The following TAFA3 variants were observed in gnomAD, a reference collection of about 807,000 sequenced individuals.
The protein encoded by TAFA3 is chemokine-like protein TAFA-3.
A neutral mutation model predicts 20.7 loss-of-function variants in TAFA3; 17 were observed. The ratio of observed to expected loss-of-function variants is 0.82; its 90% CI spans 0.56 to 1.23. TAFA3 has a LOEUF of 1.23. Among genes scored for constraint, TAFA3 ranks in the 50% most tolerant of loss-of-function variants. The pLI is 0.00. For missense variants in TAFA3, 174 were observed against 172.8 expected, an observed-to-expected ratio of 1.01 and a Z score of -0.04; for synonymous variants, 74 against 71.8, an observed-to-expected ratio of 1.03 and a Z score of -0.16.
intron 2 of TAFA3, among the ~76,000 whole-genome samples, chr1:112,721,737 C>T (rs1057369723): frequency 6.6e-6 from 1 of 152,212 alleles, no homozygotes; most frequent in African/African-American, 2.4e-5. Flanking sequence ...GGTTTTTTTA[C>T]AGCTATCTGG....
rs1675263345 is a variant in TAFA3, at chr1:112,718,907, T to G, written c.-452T>G. Among the ~76,000 whole-genome samples, 1 of 152,216 alleles carries G rather than the reference T, an allele frequency of 6.6e-6. No individual in the cohort carries two copies. ...ATCCGTTCAGCCGAGCGCCTGGCAC[T>G]GTCCCGAAGGAGGCGGCGGCGCCCA... is the stretch of plus-strand genomic sequence containing the variant. On this transcript the variant is annotated 5_prime_UTR_variant, in exon 1 of 6. Coordinates refer to ENST00000361886, the MANE Select transcript of TAFA3 (RefSeq NM_182759.3).
At chr1:112,724,170 C>T in intron 5 of TAFA3, 33 bp downstream of exon 5, 6 of 1,531,868 alleles carry the variant, frequency 3.9e-6, no homozygotes, top group Non-Finnish European at 5.3e-6. Context: ...CCCACCCTCC[C>T]CTTCCCTCTC....
chr1:112,726,991 TG>T lies in TAFA3; in HGVS notation c.*356del. ...TTCTGGGCCACATGCTATGGCATGA[TG>T]GGGGTTTGGGAATGAGATTCCCACA... On this transcript the variant is annotated 3_prime_UTR_variant, in exon 6 of 6. Coordinates refer to ENST00000361886, the MANE Select transcript of TAFA3 (RefSeq NM_182759.3). The T allele has an allele frequency of 3.5e-6, 1 of 288,348 alleles. No homozygotes were observed. Among genetic ancestry groups the T allele is most frequent in the Non-Finnish European group, 6.6e-6 (1 of 151,728 alleles). 17.9% of individuals were successfully genotyped at this position (288,348 alleles called of 1,614,324 possible). A position where few individuals can be genotyped will look rare whatever the true frequency, so the allele number is the denominator to read the frequency against.
chr1:112,719,443 C>A (rs114893457), intron 1 of TAFA3, among the ~76,000 whole-genome samples, 144 bp downstream of exon 1: 3,078 of 152,250 alleles, frequency 0.02, 102 homozygotes, highest in African/African-American at 0.07. Context: ...AACTCAGCCT[C>A]ACTAAACCCC....
At position 112,719,162 on chromosome 1, in the gene TAFA3, G is replaced by A. The variant is rs1675271649; in HGVS notation, c.-197G>A. ...GGGGGCGCAGCAACTTGGTGAAGGG[G>A]ACAGGGCTCCGGACTAGACAGCACC... On this transcript the variant is annotated 5_prime_UTR_variant, in exon 1 of 6. Coordinates refer to ENST00000361886, the MANE Select transcript of TAFA3 (RefSeq NM_182759.3). Among the ~76,000 whole-genome samples, 1 of 152,258 alleles carries A rather than the reference G, an allele frequency of 6.6e-6. No individual in the cohort carries two copies. Among genetic ancestry groups the A allele is most frequent in the Admixed American group, 6.5e-5 (1 of 15,292 alleles).
Position 112,726,748 on chromosome 1 carries a change from G to A in TAFA3, c.*108G>A, listed in dbSNP as rs915821956. On this transcript the variant is annotated 3_prime_UTR_variant, in exon 6 of 6. Coordinates refer to ENST00000361886, the MANE Select transcript of TAFA3 (RefSeq NM_182759.3). ...ATGGGGATTCACTTACATGCCTCAT[G>A]TCAAATGCAGCATCAGTCTTTCCGG... 2.6e-6 allele frequency: 4 copies of A among 1,541,762 alleles called. No individual in the cohort carries two copies. Among genetic ancestry groups the A allele is most frequent in the East Asian group, 2.3e-5 (1 of 44,288 alleles).
chr1:112,724,648 G>T (rs1675416831), intron 5 of TAFA3, among the ~76,000 whole-genome samples: 1 of 107,684 alleles, frequency 9.3e-6, no homozygotes, highest in Non-Finnish European at 1.9e-5. Flanking sequence ...GTGGGGGGAG[G>T]GGGGAGGGGT....
chr1:112,720,384 A>T (rs769878269), intron 1 of TAFA3, 193 bp from the exon 2 acceptor site: 1 of 152,210 alleles, frequency 6.6e-6, no homozygotes, highest in Non-Finnish European at 1.5e-5. Context: ...CAGAGTCTGC[A>T]AGAGCCCCTC....
At chr1:112,723,625 C>G (rs1159557533) in intron 4 of TAFA3, among the ~76,000 whole-genome samples, 1 of 152,078 alleles carries the variant, frequency 6.6e-6, no homozygotes, top group Admixed American at 6.5e-5. Context: ...CTGTGTCACG[C>G]GCATACCAGC....
intron 3 of TAFA3, 108 bp from the exon 4 acceptor site, chr1:112,722,908 C>T (rs1211853385): frequency 1.4e-6 from 2 of 1,391,756 alleles, no homozygotes; most frequent in Non-Finnish European, 1.9e-6. Context: ...GCAGTCTCTT[C>T]CATAGCCCTC....
chr1:112,722,308 C>G lies in TAFA3; in HGVS notation c.75C>G (p.Thr25=), dbSNP rs35995150. ...LLALCLAWLW[T]HLTLAALQPP... is the part of the protein sequence containing the mutation. ...CACTGTGCCTGGCCTGGCTGTGGAC[C>G]CACCTGACCTTGGCTGCCTTGCAGC... Residue 25 remains threonine (T), a synonymous_variant, in exon 3 of 6, where the codon ACC becomes ACG. Transcript: ENST00000361886. The G allele has an allele frequency of 0.12, 196,864 of 1,613,766 alleles. 13,373 individuals carry two copies. The highest frequency in any genetic ancestry group is 0.13 in the Non-Finnish European group (158,479 of 1,179,914).
At position 112,719,195 on chromosome 1, in the gene TAFA3, G is replaced by C. The variant is rs572029378; in HGVS notation, c.-164G>C. Among the ~76,000 whole-genome samples, 6 of 152,362 alleles carry C rather than the reference G, an allele frequency of 3.9e-5. No homozygotes were observed. The highest frequency in any genetic ancestry group is 3.3e-4 in the Admixed American group (5 of 15,312). ...TCCGGACTAGACAGCACCCAAGCTG[G>C]CCGCTCCCTCCCAAAGTCTGTCTTT... On this transcript the variant is annotated 5_prime_UTR_variant, in exon 1 of 6. Coordinates refer to ENST00000361886, the MANE Select transcript of TAFA3 (RefSeq NM_182759.3).
intron 3 of TAFA3, among the ~76,000 whole-genome samples, chr1:112,722,804 G>A (rs1046190376): frequency 2.6e-5 from 4 of 152,186 alleles, no homozygotes; most frequent in African/African-American, 9.6e-5. Flanking sequence ...CTGCCAAAGG[G>A]TGAAGAGCAC....
At chr1:112,721,803 TG>T (rs1350844855) in intron 2 of TAFA3, among the ~76,000 whole-genome samples, 1 of 152,222 alleles carries the variant, frequency 6.6e-6, no homozygotes, top group South Asian at 2.1e-4. Flanking sequence ...CTTTTACTGA[TG>T]GTTGTTTAGG....
In TAFA3 at chr1:112,726,863, C is replaced by T; in HGVS notation, c.*223C>T. On this transcript the variant is annotated 3_prime_UTR_variant, in exon 6 of 6. Coordinates refer to ENST00000361886, the MANE Select transcript of TAFA3 (RefSeq NM_182759.3). ...TGGGCTTTTCTGGAGACACGAAGGT[C>T]AACACACAATTCCTGCCCTTAAGGA... 1 of 600,852 alleles carries T rather than the reference C, an allele frequency of 1.7e-6. No homozygotes were observed. The highest frequency in any genetic ancestry group is 2.9e-6 in the Non-Finnish European group (1 of 342,666). The allele number at this position is 600,852 out of a possible 1,614,324, so 37.2% of individuals were successfully genotyped here.
intron 3 of TAFA3, 51 bp from the exon 4 acceptor site, chr1:112,722,965 G>T: frequency 6.4e-7 from 1 of 1,557,082 alleles, no homozygotes; most frequent in Admixed American, 1.8e-5. Flanking sequence ...GTGGGCGGGA[G>T]GGAGCGGGGT....
intron 3 of TAFA3, among the ~76,000 whole-genome samples, chr1:112,722,789 G>A (rs1487712443): frequency 6.6e-6 from 1 of 152,164 alleles, no homozygotes. Flanking sequence ...CCCAGGGGCC[G>A]TGCTCTGCCA....
chr1:112,719,451 C>G (rs1279218610), intron 1 of TAFA3, among the ~76,000 whole-genome samples, 152 bp downstream of exon 1: 1 of 152,160 alleles, frequency 6.6e-6, no homozygotes, highest in Non-Finnish European at 1.5e-5. Flanking sequence ...CTCACTAAAC[C>G]CCTGGATTGG....
At chr1:112,722,863 G>T (rs1230430030) in intron 3 of TAFA3, among the ~76,000 whole-genome samples, 153 bp from the exon 4 acceptor site, 1 of 151,238 alleles carries the variant, frequency 6.6e-6, no homozygotes, top group African/African-American at 2.4e-5. Flanking sequence ...GAAGCGGCGG[G>T]AAGATTTCAT....
Sources: gnomAD v4.1 joint callset for allele counts (sites outside exome capture counted in the v4.1 genomes callset) on GRCh38, gnomAD v4.1.1 for gene constraint, MANE v1.5 for transcripts, NCBI Gene and HGNC (gene_info 2026-07-23, HGNC 2026-07-21) for gene names.